Variants in STARD13 observed in about 807,000 individuals in gnomAD.
The protein encoded by STARD13 is stAR-related lipid transfer protein 13.
Under a neutral mutation model 106.4 loss-of-function variants are expected in STARD13, and 62 were observed. The ratio of observed to expected loss-of-function variants is 0.58; its 90% confidence interval spans 0.48 to 0.72. The LOEUF (loss-of-function observed/expected upper bound fraction) is 0.72. STARD13 is among the 30% of genes least tolerant of loss of function. STARD13 has a pLI of 0.00. For synonymous variants in STARD13, 565 were observed against 553.0 expected (o/e 1.02, Z -0.31); for missense variants, 1,387 against 1,424.0 (o/e 0.97, Z 0.42).
At chr13:33,515,038 G>A in the STARD13 span, among the ~76,000 whole-genome samples, 1 of 152,140 alleles carries the variant, frequency 6.6e-6, no homozygotes, top group Non-Finnish European at 1.5e-5. Context: ...ATGTAGAAGA[G>A]GAGGTGATGT....
At chr13:33,652,694 A>G in the STARD13 span, among the ~76,000 whole-genome samples, 7 of 152,282 alleles carry the variant, frequency 4.6e-5, no homozygotes, top group Middle Eastern at 3.4e-3. Context: ...TCAATGAACT[A>G]CTTAGGAGAA....
the STARD13 span, among the ~76,000 whole-genome samples, chr13:33,668,992 T>C: frequency 4.6e-5 from 7 of 152,384 alleles, no homozygotes; most frequent in South Asian, 1.4e-3. Flanking sequence ...CCTCTACTTT[T>C]ACCCATGGGA....
the STARD13 span, among the ~76,000 whole-genome samples, chr13:33,601,492 C>A: frequency 1.3e-5 from 2 of 152,086 alleles, no homozygotes; most frequent in Admixed American, 6.5e-5. Context: ...GGGCAATACC[C>A]CTCCCCACTT....
rs2138039902 is a variant in STARD13 at position 33,104,017 on chromosome 13, T to A, written c.*1576A>T. ...CTCATAGAAAGCTTTTTTATTCCTC[T>A]CAATAAAATAATTGCACATTGCTGA... On this transcript the variant is annotated 3_prime_UTR_variant, in exon 14 of 14. Transcript: ENST00000336934. 1 of 152,328 alleles carries A rather than the reference T, an allele frequency of 6.6e-6. No individual in the cohort carries two copies. The highest frequency in any genetic ancestry group is 3.4e-3 in the Middle Eastern group (1 of 294). 9.4% of individuals were successfully genotyped at this position (152,328 alleles called of 1,614,324 possible).
At chr13:33,578,059 T>TA in the STARD13 span, among the ~76,000 whole-genome samples, 2 of 152,062 alleles carry the variant, frequency 1.3e-5, no homozygotes, top group African/African-American at 4.8e-5. Flanking sequence ...ATCAATATCA[T>TA]AAAAAATGAC....
chr13:33,509,157 A>T, the STARD13 span, among the ~76,000 whole-genome samples: 1 of 152,164 alleles, frequency 6.6e-6, no homozygotes, highest in Non-Finnish European at 1.5e-5. Flanking sequence ...AAGATGCCAG[A>T]ATTTTGGAGG....
chr13:33,624,924 C>T, the STARD13 span, among the ~76,000 whole-genome samples: 46 of 152,330 alleles, frequency 3.0e-4, no homozygotes, highest in African/African-American at 1.1e-3. Flanking sequence ...GTGGTACTTC[C>T]TTCCATGCAG....
the STARD13 span, among the ~76,000 whole-genome samples, chr13:33,509,529 A>T: frequency 2.6e-5 from 4 of 152,142 alleles, no homozygotes; most frequent in African/African-American, 9.7e-5. Flanking sequence ...AGGGGTGAGG[A>T]TCTGTGTGAT....
chr13:33,498,593 A>T, the STARD13 span, among the ~76,000 whole-genome samples: 1 of 152,238 alleles, frequency 6.6e-6, no homozygotes, highest in African/African-American at 2.4e-5. Flanking sequence ...GGTCCAAATT[A>T]TACATATTAA....
chr13:33,224,562 C>T (rs937765236), intron 1 of STARD13, among the ~76,000 whole-genome samples: 1 of 152,220 alleles, frequency 6.6e-6, no homozygotes, highest in Non-Finnish European at 1.5e-5. Context: ...CAGTCACACA[C>T]TGGCTTTTAA....
At chr13:33,616,178 G>A in the STARD13 span, among the ~76,000 whole-genome samples, 2 of 150,768 alleles carry the variant, frequency 1.3e-5, no homozygotes, top group Admixed American at 1.3e-4. Context: ...GAGGAGGGGA[G>A]GGAAATGGAG....
the STARD13 span, among the ~76,000 whole-genome samples, chr13:33,580,124 A>G: frequency 6.6e-6 from 1 of 152,176 alleles, no homozygotes; most frequent in Admixed American, 6.5e-5. Flanking sequence ...TATTTATAGC[A>G]GATTTATTCA....
At chr13:33,416,987 T>C in the STARD13 span, among the ~76,000 whole-genome samples, 1 of 152,186 alleles carries the variant, frequency 6.6e-6, no homozygotes, top group South Asian at 2.1e-4. Context: ...ATATAAAGAA[T>C]TGCTATACTT....
At chr13:33,334,443 C>T (rs2077871502) in intron 1 of STARD13, among the ~76,000 whole-genome samples, 1 of 152,140 alleles carries the variant, frequency 6.6e-6, no homozygotes, top group Admixed American at 6.5e-5. Flanking sequence ...CCTTCACTTA[C>T]CTCATCTTTA....
the STARD13 span, among the ~76,000 whole-genome samples, chr13:33,528,524 C>T: frequency 2.6e-5 from 4 of 151,746 alleles, no homozygotes; most frequent in African/African-American, 9.7e-5. Flanking sequence ...TCTCTTGTCT[C>T]AACCTCCTAA....
the STARD13 span, among the ~76,000 whole-genome samples, chr13:33,524,061 A>C: frequency 3.3e-5 from 5 of 152,136 alleles, no homozygotes. Flanking sequence ...TGTTCTCATT[A>C]CAAATTTTCT....
At chr13:33,360,474 G>C in the STARD13 span, among the ~76,000 whole-genome samples, 1 of 151,628 alleles carries the variant, frequency 6.6e-6, no homozygotes, top group Non-Finnish European at 1.5e-5. Context: ...AAAATGCTGG[G>C]ATTACAGGCG....
the STARD13 span, among the ~76,000 whole-genome samples, chr13:33,665,659 G>A: frequency 0.011 from 1,617 of 152,270 alleles, 24 homozygotes; most frequent in African/African-American, 0.036. Context: ...ATAGGAGAAC[G>A]TGCATCTTTA....
chr13:33,609,693 A>G, the STARD13 span, among the ~76,000 whole-genome samples: 1 of 151,598 alleles, frequency 6.6e-6, no homozygotes, highest in Non-Finnish European at 1.5e-5. Context: ...CAGCCTCCCA[A>G]ATAGCTGGGA....
Sources: allele counts gnomAD v4.1 joint callset (sites outside exome capture counted in the v4.1 genomes callset), GRCh38; gene constraint gnomAD v4.1.1; transcripts MANE v1.5; gene names NCBI Gene and HGNC (gene_info 2026-07-23, HGNC 2026-07-21).